BCHE: variants seen among roughly 807,000 people sequenced by gnomAD.
BCHE encodes the protein butyrylcholinesterase, also known as cholinesterase.
BCHE carries 48 observed loss-of-function variants against 51.3 expected under a neutral mutation model. The ratio of observed to expected loss-of-function variants is 0.94; its 90% CI spans 0.74 to 1.19. BCHE has a LOEUF of 1.19. BCHE is among the 50% of genes most tolerant of loss of function. The pLI, the probability that BCHE is intolerant of heterozygous loss-of-function variation, is 0.00. For missense variants in BCHE, 847 were observed against 708.2 expected, an observed-to-expected ratio of 1.20 and a Z score of -2.23; for synonymous variants, 251 against 238.0, an observed-to-expected ratio of 1.05 and a Z score of -0.50.
At chr3:165,802,934 G>C (rs1228867700) in intron 2 of BCHE, among the ~76,000 whole-genome samples, 1 of 151,914 alleles carries the variant, frequency 6.6e-6, no homozygotes, top group Non-Finnish European at 1.5e-5. Context: ...GTAGAGCCGG[G>C]GTTTCACCGT....
chr3:165,830,401 T>C lies in BCHE; in HGVS notation c.633A>G (p.Ala211=). Residue 211 remains alanine, a synonymous_variant, in exon 2 of 4, where the codon GCA becomes GCG. Coordinates refer to ENST00000264381, the MANE Select transcript of BCHE (RefSeq NM_000055.4). ...LALQWVQKNI[A]AFGGNPKSVT... is the part of the protein sequence containing the mutation. ...CACTTTTAGGATTTCCACCAAAGGC[T>C]GCTATATTTTTTTGAACCCACTGAA... The C allele has an allele frequency of 6.2e-7, 1 of 1,614,008 alleles. No homozygotes were observed. The highest frequency in any genetic ancestry group is 8.5e-7 in the Non-Finnish European group (1 of 1,179,930).
At chr3:165,834,471 T>C (rs1012242517) in intron 1 of BCHE, among the ~76,000 whole-genome samples, 2 of 152,038 alleles carry the variant, frequency 1.3e-5, no homozygotes, top group Non-Finnish European at 2.9e-5. Flanking sequence ...TTATTTAATG[T>C]GTACTTTAAT....
rs759679732 is a variant in BCHE, at chr3:165,829,859, AACTC to A, written c.1171_1174del (p.Glu391LeufsTer14). On this transcript the variant is annotated frameshift_variant, in exon 2 of 4. Transcript: ENST00000264381. LOFTEE classifies it high-confidence loss of function. ...ATGAAAAAGGATGGATTCCTTTCCA[AACTC>A]ACTCACTCCTGGAAAAAATATTTTT... is the stretch of plus-strand genomic sequence containing the variant. 2 of 1,612,730 alleles carry A rather than the reference AACTC, an allele frequency of 1.2e-6. No individual in the cohort carries two copies.
At chr3:165,804,098 C>T (rs958255261) in intron 2 of BCHE, among the ~76,000 whole-genome samples, 1 of 151,600 alleles carries the variant, frequency 6.6e-6, no homozygotes, top group Admixed American at 6.6e-5. Flanking sequence ...TCCATGACTC[C>T]ACTGAAAGAG....
intron 2 of BCHE, among the ~76,000 whole-genome samples, chr3:165,829,178 T>G (rs1162312545): frequency 6.6e-6 from 1 of 152,112 alleles, no homozygotes; most frequent in Non-Finnish European, 1.5e-5. Flanking sequence ...CATTGTAAAC[T>G]TGCAGGTTAA....
intron 1 of BCHE, 68 bp from the exon 2 acceptor site, chr3:165,831,109 T>A: frequency 7.5e-7 from 1 of 1,336,168 alleles, no homozygotes; most frequent in Non-Finnish European, 1.0e-6. Flanking sequence ...TTATTGATGA[T>A]AATTACCTAA....
chr3:165,824,357 C>T (rs1006490281), intron 2 of BCHE, among the ~76,000 whole-genome samples: 3 of 151,698 alleles, frequency 2.0e-5, no homozygotes, highest in Admixed American at 2.0e-4. Flanking sequence ...GCATTTGTCA[C>T]AATTTAATAT....
chr3:165,803,642 A>C (rs1423810714), intron 2 of BCHE, among the ~76,000 whole-genome samples: 1 of 152,220 alleles, frequency 6.6e-6, no homozygotes, highest in East Asian at 1.9e-4. Flanking sequence ...TCTAAAGGTC[A>C]AGTTGACAGA....
At chr3:165,784,397 A>G (rs1481080749) in intron 3 of BCHE, among the ~76,000 whole-genome samples, 1 of 151,984 alleles carries the variant, frequency 6.6e-6, no homozygotes, top group African/African-American at 2.4e-5. Context: ...AAATTATAAA[A>G]TATATCTAAT....
chr3:165,819,748 T>TAAAG (rs1560018462), intron 2 of BCHE, among the ~76,000 whole-genome samples: 1 of 151,660 alleles, frequency 6.6e-6, no homozygotes, highest in Non-Finnish European at 1.5e-5. Flanking sequence ...ATTCAATAAA[T>TAAAG]AATCATTAGC....
intron 2 of BCHE, among the ~76,000 whole-genome samples, chr3:165,825,856 A>C (rs1390715839): frequency 6.6e-6 from 1 of 152,144 alleles, no homozygotes; most frequent in Admixed American, 6.6e-5. Context: ...AAACATTTCA[A>C]AATAGAAAAA....
intron 2 of BCHE, among the ~76,000 whole-genome samples, chr3:165,826,523 C>A (rs372488191): frequency 8.6e-5 from 13 of 151,882 alleles, no homozygotes; most frequent in African/African-American, 2.9e-4. Context: ...TGGGGGGGGA[C>A]TTTATTCTGA....
chr3:165,795,695 G>A (rs1576845809), intron 2 of BCHE, among the ~76,000 whole-genome samples: 1 of 151,890 alleles, frequency 6.6e-6, no homozygotes, highest in Non-Finnish European at 1.5e-5. Flanking sequence ...GCTATTTTTG[G>A]GCAGGAATCA....
At chr3:165,797,198 TC>T (rs1184328572) in intron 2 of BCHE, among the ~76,000 whole-genome samples, 10 of 73,424 alleles carry the variant, frequency 1.4e-4, no homozygotes, top group African/African-American at 1.6e-4. Flanking sequence ...CGTTCTTCCC[TC>T]CCTTCCTTCC....
At chr3:165,825,409 C>T (rs1714681756) in intron 2 of BCHE, among the ~76,000 whole-genome samples, 1 of 151,816 alleles carries the variant, frequency 6.6e-6, no homozygotes, top group Non-Finnish European at 1.5e-5. Context: ...AAAAACCAGT[C>T]TTCACAAATG....
At chr3:165,823,265 T>C (rs1040363347) in intron 2 of BCHE, among the ~76,000 whole-genome samples, 2 of 152,110 alleles carry the variant, frequency 1.3e-5, no homozygotes, top group African/African-American at 4.8e-5. Flanking sequence ...TTGTATCTCT[T>C]TGATAATTTA....
At chr3:165,801,539 A>C (rs575838916) in intron 2 of BCHE, among the ~76,000 whole-genome samples, 1 of 152,182 alleles carries the variant, frequency 6.6e-6, no homozygotes, top group Non-Finnish European at 1.5e-5. Flanking sequence ...AAAGCATATA[A>C]TATACATTAT....
chr3:165,781,277 G>T (rs897739870), intron 3 of BCHE, among the ~76,000 whole-genome samples: 1 of 151,946 alleles, frequency 6.6e-6, no homozygotes, highest in South Asian at 2.1e-4. Flanking sequence ...TAAAGCCCAT[G>T]CACATGTATG....
intron 2 of BCHE, among the ~76,000 whole-genome samples, chr3:165,814,251 C>G (rs1714215429): frequency 1.3e-5 from 2 of 152,004 alleles, no homozygotes; most frequent in South Asian, 4.1e-4. Context: ...CTCTCATTCT[C>G]TATTTCAGGG....
Sources: gnomAD v4.1 joint callset for allele counts (sites outside exome capture counted in the v4.1 genomes callset) on GRCh38, gnomAD v4.1.1 for gene constraint, MANE v1.5 for transcripts, NCBI Gene and HGNC (gene_info 2026-07-23, HGNC 2026-07-21) for gene names.